The following RELN variants were observed in gnomAD, a reference collection of about 807,000 sequenced individuals.
RELN encodes reelin.
A neutral mutation model predicts 427.6 loss-of-function variants in RELN; 108 were observed. The ratio of observed to expected loss-of-function variants is 0.25; its 90% CI spans 0.22 to 0.30. RELN has a LOEUF of 0.30. Ranked by LOEUF, RELN falls within the 10% of genes least tolerant of loss-of-function variation. The probability of loss-of-function intolerance (pLI) is 1.00; values close to 1 mark genes in which losing one functional copy is unlikely to be tolerated. For missense variants in RELN, 3,715 were observed against 4,302.8 expected (o/e 0.86, Z 3.82); for synonymous variants, 1,524 against 1,513.4 (o/e 1.01, Z -0.16).
chr7:103,730,739 C>T (rs1413829206), intron 6 of RELN, among the ~76,000 whole-genome samples: 1 of 152,078 alleles, frequency 6.6e-6, no homozygotes, highest in African/African-American at 2.4e-5. Flanking sequence ...CAAATCAGTC[C>T]GATTTCTGCC....
At chr7:103,805,141 C>A (rs145421171) in intron 3 of RELN, among the ~76,000 whole-genome samples, 2,049 of 151,980 alleles carry the variant, frequency 0.013, 23 homozygotes, top group Non-Finnish European at 0.021. Flanking sequence ...AACAATCTGG[C>A]TGAGTGAACT....
intron 4 of RELN, among the ~76,000 whole-genome samples, chr7:103,767,853 C>T (rs1206283563): frequency 1.3e-5 from 2 of 152,160 alleles, no homozygotes; most frequent in East Asian, 1.9e-4. Flanking sequence ...GAGGTCTACT[C>T]GACTTACCTG....
chr7:103,769,161 C>T (rs929658217), intron 4 of RELN, among the ~76,000 whole-genome samples: 2 of 152,188 alleles, frequency 1.3e-5, no homozygotes, highest in Admixed American at 6.5e-5. Flanking sequence ...AGTAAGGTCA[C>T]ACAAGTAAAG....
At chr7:103,638,919 T>C (rs1832640239) in intron 17 of RELN, among the ~76,000 whole-genome samples, 1 of 152,244 alleles carries the variant, frequency 6.6e-6, no homozygotes, top group Admixed American at 6.5e-5. Flanking sequence ...GAAGTATAAC[T>C]ACTGTAATTA....
intron 46 of RELN, 50 bp from the exon 47 acceptor site, chr7:103,523,581 G>GCTGTA: frequency 6.3e-7 from 1 of 1,599,834 alleles, no homozygotes; most frequent in Non-Finnish European, 8.6e-7. Context: ...AAAAGAAAAT[G>GCTGTA]TGTTCCAGTA....
chr7:103,936,010 CTT>C (rs941898256), intron 1 of RELN, among the ~76,000 whole-genome samples: 5 of 152,056 alleles, frequency 3.3e-5, no homozygotes, highest in African/African-American at 9.7e-5. Flanking sequence ...AATTTTATCT[CTT>C]AAATACATCT....
intron 6 of RELN, among the ~76,000 whole-genome samples, chr7:103,733,508 T>C (rs541208113): frequency 0.012 from 1,695 of 145,152 alleles, 25 homozygotes; most frequent in Non-Finnish European, 0.016. Context: ...TATTGTGGCA[T>C]TATTCACAAT....
chr7:103,914,641 A>G (rs1431721238), intron 2 of RELN, among the ~76,000 whole-genome samples: 1 of 152,092 alleles, frequency 6.6e-6, no homozygotes, highest in Non-Finnish European at 1.5e-5. Context: ...CTTATGAAGA[A>G]GGTAACCTTA....
chr7:103,511,655 A>G (rs1044978489), intron 50 of RELN, among the ~76,000 whole-genome samples: 2 of 152,000 alleles, frequency 1.3e-5, no homozygotes, highest in African/African-American at 2.4e-5. Context: ...AAGTGGGAGG[A>G]TCGCTTGAGG....
At chr7:103,864,154 C>T (rs1232309422) in intron 2 of RELN, among the ~76,000 whole-genome samples, 1 of 152,118 alleles carries the variant, frequency 6.6e-6, no homozygotes, top group African/African-American at 2.4e-5. Context: ...CTCTGTCAAC[C>T]GTAATTGAAA....
At position 103,626,739 on chromosome 7, in the gene RELN, T is replaced by C. The variant is rs1832338455; in HGVS notation, c.2702+3201A>G. Among the ~76,000 whole-genome samples the C allele has an allele frequency of 6.6e-6, 1 of 152,122 alleles. No homozygotes were observed. Among genetic ancestry groups the C allele is most frequent in the South Asian group, 2.1e-4 (1 of 4,822 alleles). ...TGGTTTATTAGATGGGGCAGAGGAA[T>C]GTTAATGTTCCCTTGGTATTATCAC... On this transcript the variant is annotated intron_variant, in intron 20 of 64. Coordinates refer to ENST00000428762, the MANE Select transcript of RELN (RefSeq NM_005045.4). This position sits in a 1 kb window ranked among gnomAD's most constrained non-coding sequence, Gnocchi z 4.4.
At chr7:103,936,661 CTTTTCCCTCCCCCAAG>C (rs1238488280) in intron 1 of RELN, among the ~76,000 whole-genome samples, 1 of 151,624 alleles carries the variant, frequency 6.6e-6, no homozygotes, top group Non-Finnish European at 1.5e-5. Context: ...CCTCCCCCAA[CTTTTCCCTCCCCCAAG>C]AAATCTGCTG....
At chr7:103,894,175 CAG>C (rs762356551) in intron 2 of RELN, among the ~76,000 whole-genome samples, 14 of 152,174 alleles carry the variant, frequency 9.2e-5, no homozygotes, top group Non-Finnish European at 1.6e-4. Context: ...TCTATGAAAC[CAG>C]AGTTTTACCA....
At chr7:103,564,193 T>C (rs1830697354) in intron 34 of RELN, among the ~76,000 whole-genome samples, 1 of 152,220 alleles carries the variant, frequency 6.6e-6, no homozygotes, top group Non-Finnish European at 1.5e-5. Flanking sequence ...TTAGCAGTCA[T>C]AGGAAACTAT....
intron 8 of RELN, among the ~76,000 whole-genome samples, chr7:103,707,561 C>T (rs1423005364): frequency 1.3e-5 from 2 of 151,048 alleles, no homozygotes; most frequent in Admixed American, 6.6e-5. Flanking sequence ...TGCAATGGCG[C>T]GATCTCGGCT....
intron 3 of RELN, among the ~76,000 whole-genome samples, chr7:103,783,091 G>A (rs566177831): frequency 1.3e-5 from 2 of 151,814 alleles, no homozygotes; most frequent in African/African-American, 4.8e-5. Context: ...GATCTTCAAA[G>A]GAATCAATTC....
chr7:103,927,114 T>G (rs1795762148), intron 1 of RELN, among the ~76,000 whole-genome samples: 1 of 152,214 alleles, frequency 6.6e-6, no homozygotes, highest in Non-Finnish European at 1.5e-5. Flanking sequence ...AAAATTCTAT[T>G]ACTAATTTAT....
chr7:103,582,346 C>G (rs1272812160), intron 28 of RELN, among the ~76,000 whole-genome samples: 1 of 152,186 alleles, frequency 6.6e-6, no homozygotes, highest in Non-Finnish European at 1.5e-5. Flanking sequence ...AAGCATATGG[C>G]AAGTCAAATT....
intron 40 of RELN, among the ~76,000 whole-genome samples, chr7:103,552,569 C>T (rs1830437576): frequency 7.1e-6 from 1 of 141,100 alleles, no homozygotes. Context: ...GTGGCACAAT[C>T]TCGGCTCACT....
Sources: gnomAD v4.1 joint callset for allele counts (sites outside exome capture counted in the v4.1 genomes callset) on GRCh38, gnomAD v4.1.1 for gene constraint, Gnocchi (gnomAD v3.1) non-coding constraint, MANE v1.5 for transcripts, NCBI Gene and HGNC (gene_info 2026-07-23, HGNC 2026-07-21) for gene names.